ELP4: variants seen among roughly 807,000 people sequenced by gnomAD.
The protein encoded by ELP4 is elongator complex protein 4.
In ELP4, 51 loss-of-function variants were observed where a neutral mutation model predicts 48.9. That is an observed-to-expected ratio of 1.04 (90% CI 0.83 to 1.32). The LOEUF is 1.32. ELP4 is among the 40% of genes most tolerant of loss of function. The probability of loss-of-function intolerance (pLI) is 0.00; values close to 1 mark genes in which losing one functional copy is unlikely to be tolerated. For synonymous variants in ELP4, 210 were observed against 189.2 expected (o/e 1.11, Z -0.90); for missense variants, 519 against 514.6 (o/e 1.01, Z -0.08).
At chr11:31,581,853 A>C (rs551573525) in intron 3 of ELP4, among the ~76,000 whole-genome samples, 77 of 151,628 alleles carry the variant, frequency 5.1e-4, no homozygotes, top group African/African-American at 1.8e-3. Flanking sequence ...CCCTGGCCTC[A>C]AGCAATGCTC....
intron 2 of ELP4, among the ~76,000 whole-genome samples, chr11:31,525,918 G>A (rs939434740): frequency 2.6e-5 from 4 of 151,852 alleles, no homozygotes; most frequent in African/African-American, 7.3e-5. Context: ...ATAATACTCC[G>A]TATTTTTCTC....
chr11:31,695,955 A>G (rs1360082882), intron 9 of ELP4, among the ~76,000 whole-genome samples: 1 of 151,992 alleles, frequency 6.6e-6, no homozygotes, highest in Non-Finnish European at 1.5e-5. Flanking sequence ...TTATTTGTGT[A>G]GAGGTGTTTA....
At chr11:31,635,539 G>A (rs1417214100) in intron 7 of ELP4, among the ~76,000 whole-genome samples, 2 of 151,886 alleles carry the variant, frequency 1.3e-5, no homozygotes, top group African/African-American at 4.8e-5. Flanking sequence ...ACTGCACAAA[G>A]TACCATTCGA....
intron 3 of ELP4, among the ~76,000 whole-genome samples, chr11:31,577,464 CT>C (rs1432313703): frequency 6.6e-6 from 1 of 151,946 alleles, no homozygotes; most frequent in African/African-American, 2.4e-5. Context: ...ATACCAAAGC[CT>C]GGCAGAGACA....
At chr11:31,752,833 CA>C (rs35352597) in intron 9 of ELP4, among the ~76,000 whole-genome samples, 43,396 of 92,586 alleles carry the variant, frequency 0.47, 7,631 homozygotes, top group African/African-American at 0.6. Context: ...GACTCCATCT[CA>C]AAAAAAAAAA....
chr11:31,752,150 TCA>T (rs1248166490), intron 9 of ELP4, among the ~76,000 whole-genome samples: 3 of 152,246 alleles, frequency 2.0e-5, no homozygotes, highest in Non-Finnish European at 2.9e-5. Context: ...GGCAGTTTAT[TCA>T]CACACACACT....
chr11:31,536,479 G>A (rs944328157), intron 2 of ELP4, among the ~76,000 whole-genome samples: 18 of 152,136 alleles, frequency 1.2e-4, no homozygotes, highest in Non-Finnish European at 2.9e-5. Context: ...AGCCTCCTGA[G>A]TAGCTGGGAT....
At chr11:31,539,567 AAAAAT>A (rs1485654319) in intron 2 of ELP4, 90 bp from the exon 3 acceptor site, 7 of 1,325,828 alleles carry the variant, frequency 5.3e-6, no homozygotes, top group Non-Finnish European at 7.1e-6. Context: ...TTTAAGGAAA[AAAAAT>A]ATAAAAACAT....
chr11:31,693,958 T>C (rs1041295425), intron 9 of ELP4, among the ~76,000 whole-genome samples: 2 of 152,242 alleles, frequency 1.3e-5, no homozygotes, highest in East Asian at 3.8e-4. Flanking sequence ...CATAAGTGTC[T>C]TCTTTTGAGA....
intron 3 of ELP4, among the ~76,000 whole-genome samples, chr11:31,588,468 A>T (rs1057459276): frequency 6.6e-6 from 1 of 152,116 alleles, no homozygotes; most frequent in African/African-American, 2.4e-5. Context: ...GTATTTTTAG[A>T]TGTTTCATTT....
chr11:31,776,249 G>C (rs1447954235), intron 9 of ELP4, among the ~76,000 whole-genome samples: 1 of 152,028 alleles, frequency 6.6e-6, no homozygotes, highest in Non-Finnish European at 1.5e-5. Flanking sequence ...ATGGCCAAAG[G>C]AGGTGTGGAT....
At chr11:31,743,816 C>A (rs1013150093) in intron 9 of ELP4, among the ~76,000 whole-genome samples, 2 of 151,674 alleles carry the variant, frequency 1.3e-5, no homozygotes, top group East Asian at 3.9e-4. Context: ...AAATTGACAC[C>A]CTAACATCAC....
At position 31,789,868 on chromosome 11, in the gene ELP4, G is replaced by A. The variant is rs1451826259; in HGVS notation, c.*6344G>A. ...TTTCTTTCCTGAAAGCTCAACTGTT[G>A]TGTCCCCATAGTCACTGACTGAATT... On this transcript the variant is annotated 3_prime_UTR_variant, in exon 10 of 10. Transcript: ENST00000640961. 1 of 1,389,588 alleles carries A rather than the reference G, an allele frequency of 7.2e-7. No individual in the cohort carries two copies. Among genetic ancestry groups the A allele is most frequent in the Non-Finnish European group, 1.0e-6 (1 of 998,962 alleles). 86.1% of individuals were successfully genotyped at this position (1,389,588 alleles called of 1,614,324 possible).
intron 3 of ELP4, among the ~76,000 whole-genome samples, chr11:31,586,902 A>C (rs1565067543): frequency 6.6e-6 from 1 of 152,142 alleles, no homozygotes; most frequent in Non-Finnish European, 1.5e-5. Flanking sequence ...GGCCTCCCAA[A>C]GTGCTGGGAT....
At chr11:31,610,139 A>G (rs1318095093) in intron 5 of ELP4, among the ~76,000 whole-genome samples, 3 of 152,236 alleles carry the variant, frequency 2.0e-5, no homozygotes, top group Admixed American at 6.5e-5. Context: ...GAAGTATACT[A>G]TAAATTACTT....
chr11:31,548,670 A>G (rs1362698170), intron 3 of ELP4, among the ~76,000 whole-genome samples: 2 of 152,310 alleles, frequency 1.3e-5, no homozygotes, highest in East Asian at 1.9e-4. Flanking sequence ...AAGAGCCCGC[A>G]TGGCCAAGTC....
chr11:31,539,370 G>A (rs896900218), intron 2 of ELP4, among the ~76,000 whole-genome samples: 8 of 152,094 alleles, frequency 5.3e-5, no homozygotes, highest in African/African-American at 1.9e-4. Flanking sequence ...GCAGGAGAAT[G>A]GCGTGAACCC....
chr11:31,692,055 G>A (rs1190708483), intron 9 of ELP4, among the ~76,000 whole-genome samples: 1 of 152,140 alleles, frequency 6.6e-6, no homozygotes, highest in Non-Finnish European at 1.5e-5. Flanking sequence ...ATGAAAAGTG[G>A]TTTTCAAATT....
At chr11:31,624,803 T>A (rs1377618928) in intron 5 of ELP4, among the ~76,000 whole-genome samples, 2 of 151,814 alleles carry the variant, frequency 1.3e-5, no homozygotes, top group Non-Finnish European at 2.9e-5. Flanking sequence ...TTTTTACTTT[T>A]AAAATTTTTG....
Sources: allele counts gnomAD v4.1 joint callset (sites outside exome capture counted in the v4.1 genomes callset), GRCh38; gene constraint gnomAD v4.1.1; transcripts MANE v1.5; gene names NCBI Gene and HGNC (gene_info 2026-07-23, HGNC 2026-07-21).